DNAI3: variants seen among roughly 807,000 people sequenced by gnomAD.
The protein encoded by DNAI3 is dynein axonemal intermediate chain 3.
DNAI3 carries 83 observed loss-of-function variants against 115.5 expected under a neutral mutation model. The observed-to-expected ratio is 0.72, with a 90% CI of 0.60 to 0.86. The LOEUF (loss-of-function observed/expected upper bound fraction) is 0.86, where lower values mean the gene tolerates loss of function less well. Ranked by LOEUF, DNAI3 falls within the 40% of genes least tolerant of loss-of-function variation. The pLI, the probability that DNAI3 is intolerant of heterozygous loss-of-function variation, is 0.00. For missense variants in DNAI3, 1,004 were observed against 1,075.8 expected, an observed-to-expected ratio of 0.93 and a Z score of 0.93; for synonymous variants, 320 against 347.0, an observed-to-expected ratio of 0.92 and a Z score of 0.86.
Position 85,100,424 on chromosome 1 carries a change from T to C in DNAI3, c.1479+1766T>C, listed in dbSNP as rs530182435. Among the ~76,000 whole-genome samples, 405 of 152,302 alleles carry C rather than the reference T, an allele frequency of 2.7e-3. 2 individuals are homozygous for C. The highest frequency in any genetic ancestry group is 3.7e-3 in the Non-Finnish European group (253 of 68,022). Reference sequence around the variant, plus strand: ...AATGCAAATCAAAACCACAATGAGATACCATCTCACACCAGTTAGAATGGC... The same window carrying C: ...AATGCAAATCAAAACCACAATGAGACACCATCTCACACCAGTTAGAATGGC... On this transcript the variant is annotated intron_variant, in intron 13 of 22. Coordinates refer to ENST00000294664, the MANE Select transcript of DNAI3 (RefSeq NM_145172.5).
chr1:85,127,584 G>T (rs1310169631), intron 20 of DNAI3, among the ~76,000 whole-genome samples: 1 of 152,116 alleles, frequency 6.6e-6, no homozygotes, highest in East Asian at 1.9e-4. Context: ...AAGGTGTACA[G>T]CATGAAATTC....
chr1:85,117,819 C>T lies in DNAI3; in HGVS notation c.1877C>T (p.Pro626Leu). The change falls in exon 17 of 23, where the codon CCA becomes CTA. Residue 626 changes from proline to leucine, a missense_variant. Pro to Leu is a moderately conservative substitution (Grantham distance 98). Transcript: ENST00000294664. ...LESGMANLLK[P>L]IDDFCTKFFV... is the part of the protein sequence containing the mutation. The stretch of plus-strand genomic sequence containing the variant: ...AGTGGGATGGCCAATCTTCTCAAGC[C>T]AATAGATGACTTCTGCACAAAGTTC... 6.2e-7 allele frequency: 1 copy of T among 1,613,774 alleles called. No homozygotes were observed. The highest frequency in any genetic ancestry group is 8.5e-7 in the Non-Finnish European group (1 of 1,179,744).
chr1:85,082,189 T>C, intron 4 of DNAI3, 111 bp from the exon 5 acceptor site: 1 of 824,760 alleles, frequency 1.2e-6, no homozygotes, highest in Non-Finnish European at 1.9e-6. Context: ...ATTAGCACAA[T>C]GGTTATCTTC....
intron 16 of DNAI3, among the ~76,000 whole-genome samples, chr1:85,115,597 C>T (rs1343858363): frequency 6.6e-6 from 1 of 152,010 alleles, no homozygotes; most frequent in African/African-American, 2.4e-5. Context: ...TAGTTAATAA[C>T]GTTTTTCCCT....
chr1:85,125,369 A>G (rs1337387262), intron 19 of DNAI3, among the ~76,000 whole-genome samples: 2 of 152,076 alleles, frequency 1.3e-5, no homozygotes, highest in Admixed American at 1.3e-4. Flanking sequence ...ATACATATAT[A>G]CATATATAAA....
intron 3 of DNAI3, among the ~76,000 whole-genome samples, chr1:85,077,123 A>G (rs12030990): frequency 0.51 from 76,879 of 152,094 alleles, 19,745 homozygotes; most frequent in Middle Eastern, 0.55. Context: ...TAAGTAGATC[A>G]ATGCATGAGA....
chr1:85,110,687 G>T (rs1344367912), intron 16 of DNAI3, among the ~76,000 whole-genome samples: 1 of 151,916 alleles, frequency 6.6e-6, no homozygotes, highest in Non-Finnish European at 1.5e-5. Context: ...TATTTATTGA[G>T]CACATTTATG....
intron 13 of DNAI3, among the ~76,000 whole-genome samples, chr1:85,102,150 T>C (rs1655346647): frequency 6.6e-6 from 1 of 152,114 alleles, no homozygotes; most frequent in South Asian, 2.1e-4. Context: ...ATTAGTAGGG[T>C]GACTATAATT....
intron 17 of DNAI3, 135 bp from the exon 18 acceptor site, chr1:85,121,616 G>T: frequency 1.3e-6 from 1 of 747,020 alleles, no homozygotes; most frequent in East Asian, 2.7e-5. Context: ...CTCCCCCACT[G>T]GATCAAATTA....
intron 22 of DNAI3, 109 bp from the exon 23 acceptor site, chr1:85,132,746 C>A: frequency 1.5e-6 from 2 of 1,356,434 alleles, no homozygotes; most frequent in East Asian, 2.9e-5. Flanking sequence ...CCAGCCCTTT[C>A]CAGAAAACAG....
intron 6 of DNAI3, among the ~76,000 whole-genome samples, chr1:85,085,019 G>A (rs1028418159): frequency 1.3e-5 from 2 of 152,170 alleles, no homozygotes; most frequent in Non-Finnish European, 2.9e-5. Context: ...TACAACTGGT[G>A]TCCTTGTGAT....
intron 21 of DNAI3, 72 bp from the exon 22 acceptor site, chr1:85,129,918 T>G: frequency 6.6e-7 from 1 of 1,507,106 alleles, no homozygotes; most frequent in Non-Finnish European, 8.9e-7. Context: ...CAGCAGAAAT[T>G]CTAACAGAGC....
intron 16 of DNAI3, among the ~76,000 whole-genome samples, chr1:85,114,343 T>A (rs543962888): frequency 6.6e-6 from 1 of 152,308 alleles, no homozygotes; most frequent in South Asian, 2.1e-4. Context: ...TAATTTTGTA[T>A]CCTGAAATCT....
intron 16 of DNAI3, among the ~76,000 whole-genome samples, chr1:85,114,119 T>C (rs573087680): frequency 4.1e-4 from 62 of 150,976 alleles, no homozygotes; most frequent in African/African-American, 1.5e-3. Flanking sequence ...TTCAGGTGAT[T>C]CTCCTGCCTC....
chr1:85,082,417 C>A lies in DNAI3; in HGVS notation c.390+13C>A. 6.3e-7 allele frequency: 1 copy of A among 1,590,614 alleles called. No homozygotes were observed. The highest frequency in any genetic ancestry group is 8.6e-7 in the Non-Finnish European group (1 of 1,159,890). On this transcript the variant is annotated intron_variant, in intron 5 of 22. Coordinates refer to ENST00000294664, the MANE Select transcript of DNAI3 (RefSeq NM_145172.5). ...AAACTATTTAAATGTGAGCAAACCC[C>A]AAGCCCTTGTAATTTGTTTGTTTTT...
intron 16 of DNAI3, among the ~76,000 whole-genome samples, chr1:85,115,637 C>G (rs1026327705): frequency 6.6e-6 from 1 of 151,848 alleles, no homozygotes; most frequent in African/African-American, 2.4e-5. Flanking sequence ...CTATCATAGC[C>G]TTCCCCAACC....
chr1:85,089,473 T>C (rs1219034933), intron 7 of DNAI3, among the ~76,000 whole-genome samples: 1 of 146,726 alleles, frequency 6.8e-6, no homozygotes, highest in Non-Finnish European at 1.5e-5. Context: ...ACTAAGAGCA[T>C]ACTAGATGGA....
intron 8 of DNAI3, among the ~76,000 whole-genome samples, chr1:85,092,431 T>C (rs1393273864): frequency 6.6e-6 from 1 of 152,194 alleles, no homozygotes; most frequent in Admixed American, 6.5e-5. Flanking sequence ...AACCACTTTT[T>C]CAACTTACCA....
intron 5 of DNAI3, 59 bp from the exon 6 acceptor site, chr1:85,084,487 T>TATAA: frequency 8.4e-7 from 1 of 1,188,828 alleles, no homozygotes; most frequent in Non-Finnish European, 1.1e-6. Flanking sequence ...TATATATATA[T>TATAA]ATAAAGCTAT....
Sources: gnomAD v4.1 joint callset for allele counts (sites outside exome capture counted in the v4.1 genomes callset) on GRCh38, gnomAD v4.1.1 for gene constraint, MANE v1.5 for transcripts, NCBI Gene and HGNC (gene_info 2026-07-23, HGNC 2026-07-21) for gene names.